The following EML6 variants were observed in gnomAD, a reference collection of about 807,000 sequenced individuals.
EML6 encodes echinoderm microtubule-associated protein-like 6.
A neutral mutation model predicts 240.1 loss-of-function variants in EML6; 154 were observed. The ratio of observed to expected loss-of-function variants is 0.64; its 90% CI spans 0.56 to 0.73. The LOEUF (loss-of-function observed/expected upper bound fraction) is 0.73, where lower values mean the gene tolerates loss of function less well. EML6 is among the 30% of genes least tolerant of loss of function. The pLI, the probability that EML6 is intolerant of heterozygous loss-of-function variation, is 0.00. For synonymous variants in EML6, 1,148 were observed against 899.0 expected (o/e 1.28, Z -4.95); for missense variants, 2,964 against 2,474.6 (o/e 1.20, Z -4.20).
At chr2:54,864,605 T>C (rs926949856) in intron 13 of EML6, among the ~76,000 whole-genome samples, 3 of 152,350 alleles carry the variant, frequency 2.0e-5, no homozygotes, top group Middle Eastern at 3.4e-3. Context: ...TGTACATGAA[T>C]GTGGAATGAA....
intron 5 of EML6, among the ~76,000 whole-genome samples, chr2:54,821,609 G>A (rs941191084): frequency 1.2e-4 from 18 of 152,020 alleles, no homozygotes; most frequent in African/African-American, 4.1e-4. Context: ...GAATCATGAA[G>A]AGGATATATG....
At chr2:54,944,287 C>T (rs1675572951) in intron 28 of EML6, among the ~76,000 whole-genome samples, 1 of 152,160 alleles carries the variant, frequency 6.6e-6, no homozygotes, top group Non-Finnish European at 1.5e-5. Context: ...GATATTTTCT[C>T]TCTGTCTCAT....
chr2:54,938,639 A>G (rs1430929151), intron 28 of EML6, among the ~76,000 whole-genome samples: 2 of 152,214 alleles, frequency 1.3e-5, no homozygotes, highest in Non-Finnish European at 2.9e-5. Flanking sequence ...TGACACGTCC[A>G]CTATGGGAAC....
intron 11 of EML6, among the ~76,000 whole-genome samples, chr2:54,858,466 A>T (rs1670504480): frequency 6.6e-6 from 1 of 152,220 alleles, no homozygotes; most frequent in Non-Finnish European, 1.5e-5. Flanking sequence ...AGTTGGGAAG[A>T]GCATACCCTG....
At position 54,846,193 on chromosome 2, in the gene EML6, C is replaced by T. The variant is rs189755553; in HGVS notation, c.1050-1293C>T. On this transcript the variant is annotated intron_variant, in intron 8 of 41. Transcript: ENST00000356458. ...CAAAAGTGGACCCATCACTTGGGCG[C>T]CCAGGGAAGCTTGTGAGGAGCAACA... Among the ~76,000 whole-genome samples the T allele has an allele frequency of 1.2e-4, 19 of 152,182 alleles. No individual in the cohort carries two copies. In the East Asian group the frequency reaches 2.7e-3, roughly 22 times the overall value.
At chr2:54,819,487 T>C (rs566843980) in intron 4 of EML6, among the ~76,000 whole-genome samples, 50 of 152,212 alleles carry the variant, frequency 3.3e-4, no homozygotes, top group African/African-American at 1.2e-3. Context: ...TGTTAAAGAA[T>C]GACAAATAGG....
chr2:54,964,503 A>G (rs1676663380), intron 37 of EML6, 68 bp from the exon 38 acceptor site: 1 of 1,449,324 alleles, frequency 6.9e-7, no homozygotes. Flanking sequence ...GTCACAGACC[A>G]GCCTTCGTGC....
At chr2:54,750,089 G>A (rs1475224088) in intron 2 of EML6, among the ~76,000 whole-genome samples, 1 of 152,212 alleles carries the variant, frequency 6.6e-6, no homozygotes, top group African/African-American at 2.4e-5. Flanking sequence ...TTGGCACAGA[G>A]CAGGGCCCTG....
At chr2:54,917,085 T>C (rs1174811854) in intron 26 of EML6, 150 bp downstream of exon 26, 7 of 595,746 alleles carry the variant, frequency 1.2e-5, no homozygotes, top group Non-Finnish European at 2.0e-5. Flanking sequence ...CCTGACATTG[T>C]GTTTGAGTGA....
chr2:54,957,980 C>T lies in EML6; in HGVS notation c.4677C>T (p.Leu1559=). 1.9e-6 allele frequency: 3 copies of T among 1,550,970 alleles called. No individual in the cohort carries two copies. The highest frequency in any genetic ancestry group is 1.2e-5 in the South Asian group (1 of 84,026). ...SLGAAKMQTM[L]SVAFGANNLT... is the part of the protein sequence containing the mutation. ...GAGCTGCCAAAATGCAGACGATGCT[C>T]TCCGTGGCCTTCGGTGCTGTGAGTT... The change falls in exon 33 of 42, where the codon CTC becomes CTT. Residue 1559 remains leucine (L), a synonymous_variant. Coordinates refer to ENST00000356458, the MANE Select transcript of EML6 (RefSeq NM_001039753.4).
At chr2:54,846,923 AT>A (rs34352060) in intron 8 of EML6, among the ~76,000 whole-genome samples, 91 of 129,840 alleles carry the variant, frequency 7.0e-4, no homozygotes, top group Admixed American at 1.3e-3. Context: ...ATGAAGTAGT[AT>A]TTTTTTTTTT....
At chr2:54,817,609 G>A (rs959465347) in intron 4 of EML6, among the ~76,000 whole-genome samples, 4 of 151,916 alleles carry the variant, frequency 2.6e-5, no homozygotes, top group Non-Finnish European at 5.9e-5. Context: ...AATTGTCTTG[G>A]GCCACACATA....
chr2:54,744,953 CA>C (rs1558521041), intron 2 of EML6, among the ~76,000 whole-genome samples: 7,342 of 117,932 alleles, frequency 0.062, 323 homozygotes, highest in South Asian at 0.082. Flanking sequence ...CACACACACA[CA>C]CACACACACC....
At chr2:54,732,653 A>G (rs354238) in intron 2 of EML6, among the ~76,000 whole-genome samples, 41,677 of 152,218 alleles carry the variant, frequency 0.27, 6,802 homozygotes, top group East Asian at 0.57. Flanking sequence ...TTGGGGATCC[A>G]GAAATGGAAA....
At chr2:54,954,566 A>T (rs896768035) in intron 32 of EML6, among the ~76,000 whole-genome samples, 1 of 152,170 alleles carries the variant, frequency 6.6e-6, no homozygotes, top group Admixed American at 6.5e-5. Context: ...ATTTTAGGAA[A>T]TGGGATCATG....
At chr2:54,797,180 A>AAAAAAAAACAAAAAAAAAAAAC (rs1669855383) in intron 2 of EML6, among the ~76,000 whole-genome samples, 1 of 147,078 alleles carries the variant, frequency 6.8e-6, no homozygotes, top group African/African-American at 2.5e-5. Flanking sequence ...AAAAAAAAAA[A>AAAAAAAAACAAAAAAAAAAAAC]AAAAAAAAAC....
Position 54,853,705 on chromosome 2 carries a change from G to C in EML6, c.1507G>C (p.Val503Leu). 1 of 1,551,154 alleles carries C rather than the reference G, an allele frequency of 6.4e-7. No homozygotes were observed. Among genetic ancestry groups the C allele is most frequent in the Non-Finnish European group, 8.7e-7 (1 of 1,146,654 alleles). Residue 503 changes from valine (V) to leucine (L), a missense_variant, in exon 11 of 42, where the codon GTG (valine) becomes CTG (leucine). Transcript: ENST00000356458. ...KGIPWASWTC[V>L]KGPEVSGIWP... Reference sequence around the variant, plus strand: ...GATTCCTTGGGCCTCCTGGACATGCGTGAAAGGCCCTGAAGTGAGTGGAAT... The same window carrying C: ...GATTCCTTGGGCCTCCTGGACATGCCTGAAAGGCCCTGAAGTGAGTGGAAT...
intron 11 of EML6, among the ~76,000 whole-genome samples, chr2:54,857,779 A>G (rs1312906165): frequency 1.3e-5 from 2 of 152,200 alleles, no homozygotes. Context: ...GCAAAGGCCT[A>G]GAAGCAGAGA....
chr2:54,948,327 T>C (rs890421412), intron 28 of EML6, among the ~76,000 whole-genome samples: 18 of 152,054 alleles, frequency 1.2e-4, no homozygotes, highest in Non-Finnish European at 1.9e-4. Context: ...GTCTGTCTCC[T>C]GTCCCTCTGC....
Sources: allele counts gnomAD v4.1 joint callset (sites outside exome capture counted in the v4.1 genomes callset), GRCh38; gene constraint gnomAD v4.1.1; transcripts MANE v1.5; gene names NCBI Gene and HGNC (gene_info 2026-07-23, HGNC 2026-07-21).